Variants in CMKLR2 observed in about 807,000 individuals in gnomAD.
CMKLR2 encodes the protein chemerin chemokine-like receptor 2.
A neutral mutation model predicts 23.0 loss-of-function variants in CMKLR2; 18 were observed. The observed-to-expected ratio is 0.78, with a 90% confidence interval of 0.54 to 1.16. CMKLR2 has a LOEUF of 1.16. Ranked by LOEUF, CMKLR2 falls within the 50% of genes most tolerant of loss-of-function variation. CMKLR2 has a pLI of 0.00. For synonymous variants in CMKLR2, 158 were observed against 158.9 expected, an observed-to-expected ratio of 0.99 and a Z score of 0.05; for missense variants, 401 against 412.7, an observed-to-expected ratio of 0.97 and a Z score of 0.25.
chr2:206,199,754 C>T (rs1208779776), intron 1 of CMKLR2, among the ~76,000 whole-genome samples: 1 of 151,958 alleles, frequency 6.6e-6, no homozygotes, highest in Non-Finnish European at 1.5e-5. Flanking sequence ...CACCACCACA[C>T]CTGGCTAATT....
At position 206,202,705 on chromosome 2, in the gene CMKLR2, T is replaced by G. The variant is rs979439294; in HGVS notation, c.-29+10602A>C. On this transcript the variant is annotated intron_variant, in intron 1 of 1. Transcript: ENST00000621141. ...TTCGGGTGGGGATGGGGGAGGTGGG[T>G]GGTGGCAGCGGCGGGGGGCTGGGTT... 2.0e-3 allele frequency among the ~76,000 whole-genome samples: 293 copies of G among 145,158 alleles called. 1 individual carries two copies. Among genetic ancestry groups the G allele is most frequent in the African/African-American group, 6.7e-3 (270 of 40,086 alleles).
upstream of CMKLR2, among the ~76,000 whole-genome samples, chr2:206,214,619 AT>A (rs544589963): frequency 4.1e-3 from 621 of 150,562 alleles, 8 homozygotes; most frequent in African/African-American, 0.014. Context: ...TTTTAATTTT[AT>A]TTTTTATTAT....
intron 1 of CMKLR2, among the ~76,000 whole-genome samples, chr2:206,199,672 T>C (rs1689030540): frequency 6.6e-6 from 1 of 151,642 alleles, no homozygotes; most frequent in South Asian, 2.1e-4. Context: ...CTCAGCTCAC[T>C]GCAACCTCTG....
chr2:206,209,503 C>T (rs954134220), intron 1 of CMKLR2, among the ~76,000 whole-genome samples: 1 of 152,070 alleles, frequency 6.6e-6, no homozygotes, highest in East Asian at 1.9e-4. Context: ...GCCCAGCATC[C>T]GTTAGCTATT....
At chr2:206,205,067 G>C (rs2105834388) in intron 1 of CMKLR2, among the ~76,000 whole-genome samples, 1 of 152,210 alleles carries the variant, frequency 6.6e-6, no homozygotes, top group East Asian at 1.9e-4. Context: ...GATACATTTT[G>C]TTTACTCTCT....
chr2:206,205,933 T>C (rs1689300604), intron 1 of CMKLR2, among the ~76,000 whole-genome samples: 1 of 151,888 alleles, frequency 6.6e-6, no homozygotes, highest in Admixed American at 6.6e-5. Flanking sequence ...TCCTGACCTC[T>C]GGTGATCTGC....
intron 1 of CMKLR2, among the ~76,000 whole-genome samples, chr2:206,193,336 T>C (rs1340002789): frequency 6.6e-6 from 1 of 152,204 alleles, no homozygotes; most frequent in African/African-American, 2.4e-5. Flanking sequence ...TGACCTCAGG[T>C]GATCCACCTG....
chr2:206,185,600 T>C (rs1334096713), intron 1 of CMKLR2, among the ~76,000 whole-genome samples: 2 of 152,206 alleles, frequency 1.3e-5, no homozygotes, highest in African/African-American at 4.8e-5. Context: ...CTGATTTTTG[T>C]TATAGAAAGA....
chr2:206,176,749 G>C lies in CMKLR2; in HGVS notation c.499C>G (p.Leu167Val), dbSNP rs1304791236. 6.2e-7 allele frequency: 1 copy of C among 1,614,194 alleles called. No homozygotes were observed. Among genetic ancestry groups the C allele is most frequent in the Non-Finnish European group, 8.5e-7 (1 of 1,180,046 alleles). ...AAGTACAGGGCAGGACCGCCAATTAGAGAAGCCAAAAGCCAGATGAATATA... is the reference window on the plus strand; with the variant it reads ...AAGTACAGGGCAGGACCGCCAATTACAGAAGCCAAAAGCCAGATGAATATA... ...VIIFIWLLAS[L>V]IGGPALYFRD... The change falls in exon 2 of 2, where the codon CTA (leucine) becomes GTA (valine). Residue 167 changes from leucine to valine, a missense_variant. Physicochemically the swap from Leu to Val is conservative, Grantham distance 32 (BLOSUM62 1). Coordinates refer to ENST00000621141, the MANE Select transcript of CMKLR2 (RefSeq NM_001389445.1).
chr2:206,176,500 C>T lies in CMKLR2; in HGVS notation c.748G>A (p.Val250Ile), dbSNP rs765063604. 1.2e-6 allele frequency: 2 copies of T among 1,614,120 alleles called. No individual in the cohort carries two copies. Among genetic ancestry groups the T allele is most frequent in the Admixed American group, 3.3e-5 (2 of 60,010 alleles). Residue 250 changes from valine (V) to isoleucine (I), a missense_variant, in exon 2 of 2, where the codon GTT becomes ATT. Coordinates refer to ENST00000621141, the MANE Select transcript of CMKLR2 (RefSeq NM_001389445.1). ...CAAACCACAAAGGCCACAACCACAA[C>T]CAGAATTGTCCAGAAATGCCTACTG... ...ISSRHFWTILVVVVAFVVCWT... is the reference protein window; with the variant it reads ...ISSRHFWTILIVVVAFVVCWT...
intron 1 of CMKLR2, among the ~76,000 whole-genome samples, chr2:206,190,911 T>G (rs756367642): frequency 6.9e-4 from 105 of 152,326 alleles, no homozygotes; most frequent in Non-Finnish European, 1.2e-3. Flanking sequence ...CCTACTTATG[T>G]ACCTGTTGTT....
At chr2:206,205,768 C>T (rs376284483) in intron 1 of CMKLR2, among the ~76,000 whole-genome samples, 5 of 151,846 alleles carry the variant, frequency 3.3e-5, no homozygotes, top group Non-Finnish European at 5.9e-5. Flanking sequence ...GGCGTGATCT[C>T]GGCTCCCCGC....
In CMKLR2 at chr2:206,175,807, T is replaced by C. The variant is rs1244963640; in HGVS notation, c.*373A>G. The C allele has an allele frequency of 6.4e-6, 1 of 156,746 alleles. No homozygotes were observed. The highest frequency in any genetic ancestry group is 1.4e-5 in the Non-Finnish European group (1 of 71,292). 9.7% of individuals were successfully genotyped at this position (156,746 alleles called of 1,614,324 possible). A position where few individuals can be genotyped will look rare whatever the true frequency, so the allele number is the denominator to read the frequency against. On this transcript the variant is annotated 3_prime_UTR_variant, in exon 2 of 2. Transcript: ENST00000621141. ...CCACCGTGCCTGGCTAATCATATAT[T>C]TAATATTAAGACTTAAGGCTTTAGA...
At chr2:206,209,771 C>A (rs1386895171) in intron 1 of CMKLR2, among the ~76,000 whole-genome samples, 1 of 151,218 alleles carries the variant, frequency 6.6e-6, no homozygotes, top group Admixed American at 6.6e-5. Flanking sequence ...GCCTCAGCCT[C>A]CCGAGTAGCT....
At chr2:206,198,526 T>A (rs761250058) in intron 1 of CMKLR2, among the ~76,000 whole-genome samples, 1 of 152,186 alleles carries the variant, frequency 6.6e-6, no homozygotes, top group Non-Finnish European at 1.5e-5. Context: ...TGCCTCAAAC[T>A]AGCACCAAAT....
intron 1 of CMKLR2, among the ~76,000 whole-genome samples, chr2:206,205,883 G>T (rs367668985): frequency 1.3e-5 from 2 of 152,070 alleles, no homozygotes; most frequent in African/African-American, 4.8e-5. Context: ...ATTTTTAGTA[G>T]AGATGGGGTT....
intron 1 of CMKLR2, among the ~76,000 whole-genome samples, chr2:206,181,365 A>ATT (rs879799593): frequency 6.9e-6 from 1 of 144,742 alleles, no homozygotes. Flanking sequence ...TGGCCCTATT[A>ATT]TTTTTTTTTT....
At chr2:206,186,562 A>T (rs17222613) in intron 1 of CMKLR2, among the ~76,000 whole-genome samples, 11,110 of 152,226 alleles carry the variant, frequency 0.073, 577 homozygotes, top group Non-Finnish European at 0.1. Context: ...GCTATTTCTC[A>T]CAATGGTTAT....
chr2:206,176,242 CTG>C lies in CMKLR2; in HGVS notation c.1004_1005del (p.Thr335SerfsTer3), dbSNP rs918165647. 1 of 1,614,194 alleles carries C rather than the reference CTG, an allele frequency of 6.2e-7. No individual in the cohort carries two copies. The highest frequency in any genetic ancestry group is 2.2e-5 in the East Asian group (1 of 44,880). ...TCTGAGTTCCTGAGCTGTTCACTCA[CTG>C]TGCCAGAACAGCTGACTTCCCACAG... is the stretch of plus-strand genomic sequence containing the variant. The part of the protein sequence containing the change: ...YTLWEVSCSG[T>X]VSEQLRNSET... On this transcript the variant is annotated frameshift_variant, in exon 2 of 2. Coordinates refer to ENST00000621141, the MANE Select transcript of CMKLR2 (RefSeq NM_001389445.1). LOFTEE classifies it high-confidence loss of function.
Sources: allele counts gnomAD v4.1 joint callset (sites outside exome capture counted in the v4.1 genomes callset), GRCh38; gene constraint gnomAD v4.1.1; transcripts MANE v1.5; gene names NCBI Gene and HGNC (gene_info 2026-07-23, HGNC 2026-07-21).